ANKEF1: variants seen among roughly 807,000 people sequenced by gnomAD.
The protein encoded by ANKEF1 is ankyrin repeat and EF-hand domain containing 1, also known as ankyrin repeat and EF-hand domain-containing protein 1.
In ANKEF1, 43 loss-of-function variants were observed where a neutral mutation model predicts 65.1. The ratio of observed to expected loss-of-function variants is 0.66; its 90% CI spans 0.52 to 0.85. ANKEF1 has a LOEUF of 0.85. Ranked by LOEUF, ANKEF1 falls within the 40% of genes least tolerant of loss-of-function variation. The pLI, the probability that ANKEF1 is intolerant of heterozygous loss-of-function variation, is 0.00. For synonymous variants in ANKEF1, 316 were observed against 341.5 expected (o/e 0.93, Z 0.82); for missense variants, 934 against 952.9 (o/e 0.98, Z 0.26).
chr20:10,044,457 A>G lies in ANKEF1; in HGVS notation c.610A>G (p.Ile204Val). The change falls in exon 5 of 11, where the codon ATA becomes GTA. Residue 204 changes from isoleucine (I) to valine (V), a missense_variant. Transcript: ENST00000378392. ...AGGGGTAGTGGAAATAGTTCGAGGCATATTGGAAAGAGGAGGTGAAGTGAA... is the reference window on the plus strand; with the variant it reads ...AGGGGTAGTGGAAATAGTTCGAGGCGTATTGGAAAGAGGAGGTGAAGTGAA... ...REGVVEIVRG[I>V]LERGGEVNAF... 3 of 1,614,160 alleles carry G rather than the reference A, an allele frequency of 1.9e-6. No homozygotes were observed. The highest frequency in any genetic ancestry group is 2.5e-6 in the Non-Finnish European group (3 of 1,180,014).
intron 6 of ANKEF1, among the ~76,000 whole-genome samples, chr20:10,047,201 A>G (rs1984566233): frequency 6.6e-6 from 1 of 152,238 alleles, no homozygotes; most frequent in African/African-American, 2.4e-5. Flanking sequence ...GAAGCCAAGG[A>G]CCAGAGCCTG....
chr20:10,044,899 C>T (rs1358047543), intron 5 of ANKEF1, among the ~76,000 whole-genome samples: 2 of 151,768 alleles, frequency 1.3e-5, no homozygotes, highest in Non-Finnish European at 2.9e-5. Flanking sequence ...AGAACAATGC[C>T]CTCATACTCT....
At chr20:10,035,749 A>G (rs1319607319) in intron 2 of ANKEF1, 107 bp downstream of exon 2, 1 of 152,292 alleles carries the variant, frequency 6.6e-6, no homozygotes, top group African/African-American at 2.4e-5. Flanking sequence ...ATTCCACTGT[A>G]CCAAGCTTGT....
intron 3 of ANKEF1, among the ~76,000 whole-genome samples, chr20:10,041,112 T>C (rs1984160890): frequency 1.3e-5 from 2 of 151,920 alleles, no homozygotes; most frequent in African/African-American, 4.8e-5. Flanking sequence ...ATAGGGTTGG[T>C]TTCAGAAACA....
intron 6 of ANKEF1, among the ~76,000 whole-genome samples, chr20:10,047,479 G>A (rs1984583220): frequency 6.6e-6 from 1 of 152,208 alleles, no homozygotes; most frequent in South Asian, 2.1e-4. Context: ...TTCTGAATAA[G>A]CTCCCTGGGC....
At chr20:10,042,719 T>C (rs1345862240) in intron 3 of ANKEF1, among the ~76,000 whole-genome samples, 1 of 152,206 alleles carries the variant, frequency 6.6e-6, no homozygotes, top group Non-Finnish European at 1.5e-5. Flanking sequence ...CATCACCCAG[T>C]ACCATCTCTT....
chr20:10,045,758 G>C, intron 6 of ANKEF1, 61 bp downstream of exon 6: 1 of 1,586,950 alleles, frequency 6.3e-7, no homozygotes, highest in South Asian at 1.1e-5. Context: ...TCATAGATAA[G>C]CAGAGAATTT....
intron 10 of ANKEF1, 136 bp from the exon 11 acceptor site, chr20:10,055,366 A>T: frequency 1.3e-6 from 1 of 759,388 alleles, no homozygotes; most frequent in Non-Finnish European, 2.1e-6. Context: ...ATCTAAAAGT[A>T]AATTTAATAG....
Position 10,049,558 on chromosome 20 carries a change from A to T in ANKEF1, c.989A>T (p.His330Leu). The change falls in exon 7 of 11, where the codon CAC (histidine) becomes CTC (leucine). Residue 330 changes from histidine (H) to leucine (L), a missense_variant. His to Leu is a moderately conservative substitution (Grantham distance 99). Transcript: ENST00000378392. ...NPNPLWALRL[H>L]DWSVEREAFL... Reference sequence around the variant, plus strand: ...AATCCACTGTGGGCCCTTAGACTGCACGATTGGTCCGTAGAACGTGAGGCT... The same window carrying T: ...AATCCACTGTGGGCCCTTAGACTGCTCGATTGGTCCGTAGAACGTGAGGCT... The T allele has an allele frequency of 3.1e-6, 5 of 1,614,138 alleles. No individual in the cohort carries two copies. Among genetic ancestry groups the T allele is most frequent in the Non-Finnish European group, 4.2e-6 (5 of 1,180,016 alleles).
intron 3 of ANKEF1, among the ~76,000 whole-genome samples, chr20:10,041,275 CT>C (rs1435238281): frequency 2.0e-5 from 3 of 150,998 alleles, no homozygotes; most frequent in Non-Finnish European, 4.4e-5. Flanking sequence ...AATTGATGGG[CT>C]TTTTAGTTAT....
In ANKEF1 at chr20:10,055,359, T is replaced by C. The variant is rs1568518853; in HGVS notation, c.2173-143T>C. On this transcript the variant is annotated intron_variant, in intron 10 of 10. Transcript: ENST00000378392. The stretch of plus-strand genomic sequence containing the variant: ...GGGGGGGAAGAAGTTAAAACACATC[T>C]AAAAGTAAATTTAATAGTTTTAAGT... The C allele has an allele frequency of 1.6e-5, 12 of 731,228 alleles. No individual in the cohort carries two copies. The East Asian group carries it at 3.3e-4, about 20-fold the overall frequency. 45.3% of individuals were successfully genotyped at this position (731,228 alleles called of 1,614,324 possible). A position where few individuals can be genotyped will look rare whatever the true frequency, so the allele number is the denominator to read the frequency against.
At chr20:10,050,817 A>G (rs79641121) in intron 7 of ANKEF1, among the ~76,000 whole-genome samples, 2,061 of 152,302 alleles carry the variant, frequency 0.014, 43 homozygotes, top group African/African-American at 0.046. Flanking sequence ...GGATCTCAAC[A>G]ACTTCAAACA....
chr20:10,054,905 T>C (rs1985059622), intron 10 of ANKEF1, among the ~76,000 whole-genome samples: 1 of 152,110 alleles, frequency 6.6e-6, no homozygotes, highest in Admixed American at 6.6e-5. Flanking sequence ...TAAGGATACT[T>C]TTTTTTGGTA....
rs1354265672 is a variant in ANKEF1, at chr20:10,044,060, A to G, written c.547-334A>G. Among the ~76,000 whole-genome samples, 9 of 152,180 alleles carry G rather than the reference A, an allele frequency of 5.9e-5. No homozygotes were observed. The South Asian group carries it at 1.7e-3, about 28-fold the overall frequency. Reference sequence around the variant, plus strand: ...ATTTTCTTCTCATTATAAAACACCTATGACCTAATTTTATATTAGGTGTTG... The same window carrying G: ...ATTTTCTTCTCATTATAAAACACCTGTGACCTAATTTTATATTAGGTGTTG... On this transcript the variant is annotated intron_variant, in intron 4 of 10. Transcript: ENST00000378392.
At chr20:10,053,088 G>T in intron 8 of ANKEF1, 24 bp from the exon 9 acceptor site, 1 of 1,560,300 alleles carries the variant, frequency 6.4e-7, no homozygotes, top group Admixed American at 2.1e-5. Context: ...TAGTCACTCT[G>T]AATTTATGTT....
chr20:10,039,435 TG>T (rs1984046831), intron 3 of ANKEF1, among the ~76,000 whole-genome samples: 1 of 152,200 alleles, frequency 6.6e-6, no homozygotes, highest in Non-Finnish European at 1.5e-5. Flanking sequence ...AATCGAGAAA[TG>T]AATCTCATTT....
chr20:10,052,974 C>A, intron 8 of ANKEF1, 138 bp from the exon 9 acceptor site: 1 of 721,834 alleles, frequency 1.4e-6, no homozygotes, highest in Non-Finnish European at 2.1e-6. Context: ...GCTCTGTGAA[C>A]TTCTGTATAT....
intron 3 of ANKEF1, 123 bp downstream of exon 3, chr20:10,038,770 T>G: frequency 1.3e-6 from 1 of 755,218 alleles, no homozygotes; most frequent in South Asian, 2.0e-5. Flanking sequence ...AGGGAAAGGC[T>G]AAATTCTCAC....
At chr20:10,036,194 G>A (rs1983843461) in intron 2 of ANKEF1, among the ~76,000 whole-genome samples, 1 of 152,214 alleles carries the variant, frequency 6.6e-6, no homozygotes, top group Admixed American at 6.5e-5. Flanking sequence ...ACCGACCCAT[G>A]GACCTACTGA....
Sources: allele counts gnomAD v4.1 joint callset (sites outside exome capture counted in the v4.1 genomes callset), GRCh38; gene constraint gnomAD v4.1.1; transcripts MANE v1.5; gene names NCBI Gene and HGNC (gene_info 2026-07-23, HGNC 2026-07-21).